The following ABHD6 variants were observed in gnomAD, a reference collection of about 807,000 sequenced individuals.
ABHD6 encodes the protein abhydrolase domain containing 6, acylglycerol lipase.
A neutral mutation model predicts 38.8 loss-of-function variants in ABHD6; 33 were observed. That is an observed-to-expected ratio of 0.85 (90% CI 0.64 to 1.14). The LOEUF (loss-of-function observed/expected upper bound fraction) is 1.14. Ranked by LOEUF, ABHD6 falls within the 50% of genes most tolerant of loss-of-function variation. The pLI, the probability that ABHD6 is intolerant of heterozygous loss-of-function variation, is 0.00. For synonymous variants in ABHD6, 147 were observed against 161.6 expected, an observed-to-expected ratio of 0.91 and a Z score of 0.69; for missense variants, 380 against 422.6, an observed-to-expected ratio of 0.90 and a Z score of 0.88.
intron 9 of ABHD6, among the ~76,000 whole-genome samples, chr3:58,290,365 G>A (rs1334780460): frequency 7.2e-6 from 1 of 139,704 alleles, no homozygotes; most frequent in Non-Finnish European, 1.6e-5. Context: ...CCTTCCTCCC[G>A]GATGGAGCGG....
intron 9 of ABHD6, among the ~76,000 whole-genome samples, chr3:58,292,199 T>G (rs946390608): frequency 6.6e-6 from 1 of 152,238 alleles, no homozygotes; most frequent in African/African-American, 2.4e-5. Context: ...CCTGCAGGAC[T>G]CTTTTCCTTG....
At chr3:58,249,151 C>T (rs34005214) in intron 1 of ABHD6, among the ~76,000 whole-genome samples, 41,446 of 151,966 alleles carry the variant, frequency 0.27, 5,707 homozygotes, top group African/African-American at 0.28. Context: ...GTATCTCTTT[C>T]CATGTGGAGA....
chr3:58,252,281 G>A (rs1408465629), intron 2 of ABHD6, among the ~76,000 whole-genome samples: 1 of 122,002 alleles, frequency 8.2e-6, no homozygotes, highest in South Asian at 2.7e-4. Flanking sequence ...CGCCTAGGCT[G>A]TCGGCTCACT....
chr3:58,269,506 A>G lies in ABHD6; in HGVS notation c.390+72A>G. On this transcript the variant is annotated intron_variant, in intron 5 of 9. Transcript: ENST00000478253. The surrounding 1 kb of genome is among the most constrained non-coding windows in gnomAD (Gnocchi z 4.4). ...CATTACATGTCTGAGTCTGGAGAGC[A>G]GGGAAGGGAGTCCTGTGCTACCTCA... The G allele has an allele frequency of 8.4e-7, 1 of 1,194,074 alleles. No individual in the cohort carries two copies. Among genetic ancestry groups the G allele is most frequent in the Non-Finnish European group, 1.2e-6 (1 of 816,828 alleles). The allele number at this position is 1,194,074 out of a possible 1,614,324, so 74.0% of individuals were successfully genotyped here. A position where few individuals can be genotyped will look rare whatever the true frequency, so the allele number is the denominator to read the frequency against.
chr3:58,252,902 A>G (rs2097430971), intron 2 of ABHD6, among the ~76,000 whole-genome samples: 1 of 152,240 alleles, frequency 6.6e-6, no homozygotes, highest in Non-Finnish European at 1.5e-5. Flanking sequence ...AGGATGTTGT[A>G]GAGATAGGAA....
intron 1 of ABHD6, among the ~76,000 whole-genome samples, chr3:58,247,774 C>T (rs146374995): frequency 6.6e-6 from 1 of 152,160 alleles, no homozygotes; most frequent in Admixed American, 6.5e-5. Flanking sequence ...AGGGTTTCAC[C>T]GTGTTGGCCA....
In ABHD6 at chr3:58,238,942, G is replaced by T. The variant is rs1423135724; in HGVS notation, c.-91+1026G>T. Among the ~76,000 whole-genome samples the T allele has an allele frequency of 6.6e-6, 1 of 152,024 alleles. No individual in the cohort carries two copies. Among genetic ancestry groups the T allele is most frequent in the Non-Finnish European group, 1.5e-5 (1 of 67,998 alleles). On this transcript the variant is annotated intron_variant, in intron 1 of 9. Transcript: ENST00000478253. The surrounding 1 kb of genome is among the most constrained non-coding windows in gnomAD (Gnocchi z 6.9). ...GACATAGAATAAGCAAATCTTGTGT[G>T]CCAGGCCCTGTCCTAAGCCCCTTAA...
At chr3:58,289,489 G>A (rs1241299035) in intron 9 of ABHD6, among the ~76,000 whole-genome samples, 5 of 150,570 alleles carry the variant, frequency 3.3e-5, no homozygotes, top group African/African-American at 9.9e-5. Flanking sequence ...ATCTTGCACT[G>A]CCCTTAATCC....
rs1559773141 is a variant in ABHD6 at position 58,256,110 on chromosome 3, T to TAG, written c.-25-451_-25-450insGA. Among the ~76,000 whole-genome samples the TAG allele has an allele frequency of 7.4e-6, 1 of 135,528 alleles. No individual in the cohort carries two copies. The highest frequency in any genetic ancestry group is 2.7e-4 in the South Asian group (1 of 3,666). 88.9% of individuals were successfully genotyped at this position (135,528 alleles called of 152,430 possible). On this transcript the variant is annotated intron_variant, in intron 2 of 9. Coordinates refer to ENST00000478253, the MANE Select transcript of ABHD6 (RefSeq NM_001320126.2). The surrounding 1 kb of genome is among the most constrained non-coding windows in gnomAD (Gnocchi z 4.3). ...ACACACACACACACACACACACACA[T>TAG]ACACACACTACTTTTTCTCTCCTGA... is the stretch of plus-strand genomic sequence containing the variant.
chr3:58,280,974 C>G (rs950624092), intron 7 of ABHD6, among the ~76,000 whole-genome samples: 2 of 152,144 alleles, frequency 1.3e-5, no homozygotes, highest in African/African-American at 4.8e-5. Context: ...GAAGCTTTGT[C>G]TCAGAGGGGC....
chr3:58,289,776 T>C (rs1463772404), intron 9 of ABHD6, among the ~76,000 whole-genome samples: 14 of 151,658 alleles, frequency 9.2e-5, no homozygotes, highest in Non-Finnish European at 1.5e-4. Context: ...GGGTGGTGGC[T>C]GGGCAGAGGG....
chr3:58,277,276 C>G (rs1341700786), intron 7 of ABHD6, among the ~76,000 whole-genome samples: 2 of 152,140 alleles, frequency 1.3e-5, no homozygotes, highest in Admixed American at 6.5e-5. Context: ...TTGTTAGCGT[C>G]CTCTTTTATT....
chr3:58,244,724 G>A (rs977590072), intron 1 of ABHD6, among the ~76,000 whole-genome samples: 3 of 151,754 alleles, frequency 2.0e-5, no homozygotes, highest in Non-Finnish European at 4.4e-5. Flanking sequence ...CTACAGTCTA[G>A]CCTGGGCAAC....
At chr3:58,286,850 G>GTATATATATATATACATATATATA (rs1221165191) in intron 9 of ABHD6, among the ~76,000 whole-genome samples, 3 of 72,826 alleles carry the variant, frequency 4.1e-5, no homozygotes, top group African/African-American at 1.4e-4. Flanking sequence ...GTGTGTGTGT[G>GTATATATATATATACATATATATA]TGTATATATA....
Position 58,274,710 on chromosome 3 carries a change from G to C in ABHD6, c.576G>C (p.Gln192His), listed in dbSNP as rs2097447514. Residue 192 changes from glutamine to histidine, a missense_variant, in exon 7 of 10, where the codon CAG becomes CAC. By Grantham distance (24) the Gln-to-His change is conservative. Coordinates refer to ENST00000478253, the MANE Select transcript of ABHD6 (RefSeq NM_001320126.2). ...TTGTACAACGGCTCAAAGAACTGCA[G>C]GGCTCTGCCGCCGTGGAGAAGATTC... ...NQFVQRLKEL[Q>H]GSAAVEKIPL... 1 of 1,614,254 alleles carries C rather than the reference G, an allele frequency of 6.2e-7. No homozygotes were observed. The highest frequency in any genetic ancestry group is 1.3e-5 in the African/African-American group (1 of 75,064).
intron 2 of ABHD6, among the ~76,000 whole-genome samples, chr3:58,254,337 G>C (rs2097431808): frequency 6.6e-6 from 1 of 152,176 alleles, no homozygotes; most frequent in South Asian, 2.1e-4. Context: ...TTTCTGTGAA[G>C]TTTTATTGGA....
intron 2 of ABHD6, among the ~76,000 whole-genome samples, chr3:58,255,906 A>T (rs1009635498): frequency 1.3e-5 from 2 of 152,064 alleles, no homozygotes; most frequent in Non-Finnish European, 2.9e-5. Flanking sequence ...CAGCCTCCCA[A>T]AGTGCTGGGA....
In ABHD6 at chr3:58,266,531, C is replaced by G. The variant is rs1329488240; in HGVS notation, c.120-658C>G. Among the ~76,000 whole-genome samples, 3 of 151,216 alleles carry G rather than the reference C, an allele frequency of 2.0e-5. No individual in the cohort carries two copies. The highest frequency in any genetic ancestry group is 1.3e-4 in the Admixed American group (2 of 15,182). The stretch of plus-strand genomic sequence containing the variant: ...CGGATAAAAGTAAATGAATATATAT[C>G]TTCTCTCCCTCTCTGCTTATTTTAC... On this transcript the variant is annotated intron_variant, in intron 3 of 9. Transcript: ENST00000478253. This position sits in a 1 kb window ranked among gnomAD's most constrained non-coding sequence, Gnocchi z 4.0.
At chr3:58,260,819 G>T (rs940656658) in intron 3 of ABHD6, among the ~76,000 whole-genome samples, 1 of 152,190 alleles carries the variant, frequency 6.6e-6, no homozygotes, top group Non-Finnish European at 1.5e-5. Context: ...TCATCACATC[G>T]TGCAAGCTCC....
Sources: gnomAD v4.1 joint callset for allele counts (sites outside exome capture counted in the v4.1 genomes callset) on GRCh38, gnomAD v4.1.1 for gene constraint, Gnocchi (gnomAD v3.1) non-coding constraint, MANE v1.5 for transcripts, NCBI Gene and HGNC (gene_info 2026-07-23, HGNC 2026-07-21) for gene names.